CIT: variants seen among roughly 807,000 people sequenced by gnomAD.
CIT encodes citron rho-interacting serine/threonine kinase.
A neutral mutation model predicts 272.7 loss-of-function variants in CIT; 79 were observed. The ratio of observed to expected loss-of-function variants is 0.29; its 90% CI spans 0.24 to 0.35. The LOEUF (loss-of-function observed/expected upper bound fraction) is 0.35. Among genes scored for constraint, CIT ranks in the 10% least tolerant of loss-of-function variants. The pLI is 1.00. For synonymous variants in CIT, 948 were observed against 995.6 expected, an observed-to-expected ratio of 0.95 and a Z score of 0.90; for missense variants, 1,909 against 2,618.3, an observed-to-expected ratio of 0.73 and a Z score of 5.91.
intron 17 of CIT, among the ~76,000 whole-genome samples, chr12:119,772,373 G>A (rs751704416): frequency 6.6e-5 from 10 of 152,120 alleles, no homozygotes; most frequent in African/African-American, 1.2e-4. Flanking sequence ...AGTCATTGAC[G>A]CGCAGGTAAT....
intron 6 of CIT, 132 bp downstream of exon 6, chr12:119,833,954 G>C: frequency 1.1e-6 from 1 of 913,294 alleles, no homozygotes. Flanking sequence ...GCCAGTTATT[G>C]GTAGACTGGC....
Position 119,770,884 on chromosome 12 carries a change from C to G in CIT, c.2109G>C (p.Lys703Asn). The G allele has an allele frequency of 6.2e-7, 1 of 1,612,798 alleles. No individual in the cohort carries two copies. Among genetic ancestry groups the G allele is most frequent in the Non-Finnish European group, 8.5e-7 (1 of 1,179,846 alleles). The change falls in exon 18 of 48, where the codon AAG becomes AAC. Residue 703 changes from lysine (K) to asparagine (N), a missense_variant. By Grantham distance (94) the Lys-to-Asn change is moderately conservative. This residue lies in a region of CIT where 530 missense variants were observed against 822.4 expected (regional missense o/e 0.64). Transcript: ENST00000392521. The surrounding 1 kb of genome is among the most constrained non-coding windows in gnomAD (Gnocchi z 4.4). ...AEERRHSLEN[K>N]VKRLETMERR... ...GCTCCATGGTCTCTAGTCTCTTTAC[C>G]TTGTTCTCCAGAGAATGGCGGCGTT... is the stretch of plus-strand genomic sequence containing the variant.
At chr12:119,862,808 TAAAAAAAAAAAAAAAA>T (rs1157467178) in intron 3 of CIT, among the ~76,000 whole-genome samples, 23 of 10,250 alleles carry the variant, frequency 2.2e-3, no homozygotes, top group South Asian at 7.1e-3. Context: ...AGACTCTACC[TAAAAAAAAAAAAAAAA>T]AAAAAAAAAA....
chr12:119,852,831 CAT>C (rs1204466676), intron 4 of CIT, among the ~76,000 whole-genome samples: 1 of 151,898 alleles, frequency 6.6e-6, no homozygotes, highest in African/African-American at 2.4e-5. Context: ...TCTGTATGCA[CAT>C]ATATTCTATG....
At chr12:119,719,095 T>A (rs889361567) in intron 30 of CIT, 1 of 482,492 alleles carries the variant, frequency 2.1e-6, no homozygotes, top group Non-Finnish European at 3.8e-6. Flanking sequence ...TTAAAGATGC[T>A]TGAATGGCCA....
At chr12:119,775,750 G>C (rs762486733) in intron 16 of CIT, 36 bp downstream of exon 16, 16 of 1,538,830 alleles carry the variant, frequency 1.0e-5, no homozygotes, top group Non-Finnish European at 1.3e-5. Flanking sequence ...AGGAGGTGGT[G>C]GGGGGTAAGT....
At chr12:119,699,021 G>A (rs145710063) in intron 44 of CIT, among the ~76,000 whole-genome samples, 4,057 of 152,080 alleles carry the variant, frequency 0.027, 173 homozygotes, top group African/African-American at 0.092. Flanking sequence ...TTGGGAGGCC[G>A]AGGCGGGTGG....
Position 119,771,015 on chromosome 12 carries a change from A to C in CIT, c.2083-105T>G, listed in dbSNP as rs904278301. On this transcript the variant is annotated intron_variant, in intron 17 of 47. Coordinates refer to ENST00000392521, the MANE Select transcript of CIT (RefSeq NM_001206999.2). ...TCAAGAAGCATACACTCGAGTCAGG[A>C]AGAAAAGTCTCAGGCACCCGAAGCA... The C allele has an allele frequency of 4.3e-6, 6 of 1,392,866 alleles. No individual in the cohort carries two copies. The African/African-American group carries it at 8.7e-5, about 20-fold the overall frequency. The allele number at this position is 1,392,866 out of a possible 1,614,324, so 86.3% of individuals were successfully genotyped here. A position where few individuals can be genotyped will look rare whatever the true frequency, so the allele number is the denominator to read the frequency against.
Position 119,712,773 on chromosome 12 carries a change from G to T in CIT, c.4580-78C>A. ...CAAGGGGAGAAGAGAGAGCGAGAGA[G>T]ACAGCAAGGGAGAGAGAGACAGGGT... On this transcript the variant is annotated intron_variant, in intron 35 of 47. Coordinates refer to ENST00000392521, the MANE Select transcript of CIT (RefSeq NM_001206999.2). This position sits in a 1 kb window ranked among gnomAD's most constrained non-coding sequence, Gnocchi z 5.2. The T allele has an allele frequency of 2.6e-6, 3 of 1,175,176 alleles. No individual in the cohort carries two copies. Among genetic ancestry groups the T allele is most frequent in the Non-Finnish European group, 2.5e-6 (2 of 792,828 alleles). The allele number at this position is 1,175,176 out of a possible 1,614,324, so 72.8% of individuals were successfully genotyped here.
Position 119,761,021 on chromosome 12 carries a change from T to G in CIT, c.2339A>C (p.Asp780Ala), listed in dbSNP as rs541160091. The change falls in exon 20 of 48, where the codon GAC (aspartate) becomes GCC (alanine). Residue 780 changes from aspartate to alanine, a missense_variant. Coordinates refer to ENST00000392521, the MANE Select transcript of CIT (RefSeq NM_001206999.2). ...LDNQIKKDLADKETLENMMQR... is the reference protein window; with the variant it reads ...LDNQIKKDLAAKETLENMMQR... ...CATCATGTTCTCCAGTGTCTCCTTGTCAGCCAGGTCTTTCTTTATCTGATT... is the reference window on the plus strand; with the variant it reads ...CATCATGTTCTCCAGTGTCTCCTTGGCAGCCAGGTCTTTCTTTATCTGATT... The G allele has an allele frequency of 1.1e-5, 18 of 1,614,186 alleles. 1 individual carries two copies. In the South Asian group the frequency reaches 2.0e-4, roughly 18 times the overall value.
Position 119,869,212 on chromosome 12 carries a change from C to T in CIT, c.97-11G>A, listed in dbSNP as rs772363049. ...AAAGGGTGGTTTCCCCTAAAAACAG[C>T]AAACAGCAGATGGAGACACTGTCAA... On this transcript the variant is annotated splice_polypyrimidine_tract_variant and intron_variant, in intron 2 of 47. Transcript: ENST00000392521. 6.3e-7 allele frequency: 1 copy of T among 1,592,378 alleles called. No individual in the cohort carries two copies. The highest frequency in any genetic ancestry group is 1.9e-5 in the Admixed American group (1 of 52,020).
At chr12:119,802,242 C>T (rs1274678222) in intron 10 of CIT, among the ~76,000 whole-genome samples, 1 of 152,184 alleles carries the variant, frequency 6.6e-6, no homozygotes, top group African/African-American at 2.4e-5. Context: ...TGGCAAATAA[C>T]ACCATCAGTC....
intron 13 of CIT, 112 bp from the exon 14 acceptor site, chr12:119,776,954 A>G (rs1478417081): frequency 8.3e-7 from 1 of 1,210,630 alleles, no homozygotes; most frequent in African/African-American, 1.5e-5. Context: ...GTGAAGAGAG[A>G]CTGGCAAAGA....
chr12:119,829,377 A>C (rs1968437702), intron 7 of CIT, among the ~76,000 whole-genome samples: 1 of 151,504 alleles, frequency 6.6e-6, no homozygotes, highest in Admixed American at 6.6e-5. Context: ...AAGAGAAGAG[A>C]AGAGAAGAGA....
At chr12:119,773,014 T>TAAAAAAAAAA (rs11437987) in intron 16 of CIT, 104 bp from the exon 17 acceptor site, 1 of 557,792 alleles carries the variant, frequency 1.8e-6, no homozygotes, top group Non-Finnish European at 2.5e-6. Flanking sequence ...AAGTATAATC[T>TAAAAAAAAAA]AAAAAAAAAA....
chr12:119,807,468 A>G (rs972158425), intron 9 of CIT, among the ~76,000 whole-genome samples: 1 of 151,030 alleles, frequency 6.6e-6, no homozygotes, highest in African/African-American at 2.4e-5. Context: ...ACAAAATGTG[A>G]TTTTTTTTTG....
chr12:119,697,289 A>T lies in CIT; in HGVS notation c.5882+370T>A, dbSNP rs1044138409. Among the ~76,000 whole-genome samples the T allele has an allele frequency of 6.6e-6, 1 of 152,240 alleles. No individual in the cohort carries two copies. Among genetic ancestry groups the T allele is most frequent in the African/African-American group, 2.4e-5 (1 of 41,550 alleles). On this transcript the variant is annotated intron_variant, in intron 46 of 47. Coordinates refer to ENST00000392521, the MANE Select transcript of CIT (RefSeq NM_001206999.2). This position sits in a 1 kb window ranked among gnomAD's most constrained non-coding sequence, Gnocchi z 4.9. Reference sequence around the variant, plus strand: ...CTCCCACTGGGCTGTGAGTGCCATCAGGGAGGGGCTACATCTGCTTTATTC... The same window carrying T: ...CTCCCACTGGGCTGTGAGTGCCATCTGGGAGGGGCTACATCTGCTTTATTC...
At chr12:119,745,336 A>T in intron 23 of CIT, among the ~76,000 whole-genome samples, 1 of 136,380 alleles carries the variant, frequency 7.3e-6, no homozygotes, top group Admixed American at 7.6e-5. Flanking sequence ...GTAAAGCAAT[A>T]TCTTCAAAGT....
chr12:119,728,581 G>C lies in CIT; in HGVS notation c.3512C>G (p.Ala1171Gly), dbSNP rs377715830. 3 of 1,612,250 alleles carry C rather than the reference G, an allele frequency of 1.9e-6. No individual in the cohort carries two copies. The highest frequency in any genetic ancestry group is 2.5e-6 in the Non-Finnish European group (3 of 1,178,650). The change falls in exon 28 of 48, where the codon GCT becomes GGT. Residue 1171 changes from alanine to glycine, a missense_variant. By Grantham distance (60) the Ala-to-Gly change is moderately conservative. Around this residue, in one of 8 missense-constraint regions of CIT, gnomAD observed 530 missense variants for 822.4 expected, o/e 0.64. Transcript: ENST00000392521. This position sits in a 1 kb window ranked among gnomAD's most constrained non-coding sequence, Gnocchi z 4.3. The part of the protein sequence containing the change: ...DKLNDLEKKH[A>G]MLEMNARSLQ... ...GCTTCGGGCATTCATTTCAAGCATA[G>C]CATGCTTCTTCTCCAGGTCATTGAG...
Sources: allele counts gnomAD v4.1 joint callset (sites outside exome capture counted in the v4.1 genomes callset), GRCh38; gene constraint gnomAD v4.1.1; regional missense constraint gnomAD v4.1.1; non-coding constraint Gnocchi (gnomAD v3.1); transcripts MANE v1.5; gene names NCBI Gene and HGNC (gene_info 2026-07-23, HGNC 2026-07-21).